FTCD: variants seen among roughly 807,000 people sequenced by gnomAD.
FTCD encodes the protein formimidoyltransferase cyclodeaminase, also known as formimidoyltransferase-cyclodeaminase.
FTCD carries 76 observed loss-of-function variants against 62.9 expected under a neutral mutation model. That is an observed-to-expected ratio of 1.21 (90% CI 1.00 to 1.46). FTCD has a LOEUF of 1.46. Ranked by LOEUF, FTCD falls within the 40% of genes most tolerant of loss-of-function variation. The pLI is 0.00. For synonymous variants in FTCD, 397 were observed against 336.9 expected (o/e 1.18, Z -1.95); for missense variants, 845 against 751.3 (o/e 1.12, Z -1.46).
intron 2 of FTCD, 28 bp downstream of exon 2, chr21:46,154,121 C>T: frequency 6.2e-7 from 1 of 1,608,796 alleles, no homozygotes; most frequent in Non-Finnish European, 8.5e-7. Context: ...TGAGACACGG[C>T]AGCCACAGGA....
chr21:46,145,587 G>A lies in FTCD; in HGVS notation c.1099-9C>T, dbSNP rs966795354. The A allele has an allele frequency of 9.8e-6, 15 of 1,529,846 alleles. No individual in the cohort carries two copies. Among genetic ancestry groups the A allele is most frequent in the African/African-American group, 1.4e-5 (1 of 72,452 alleles). The allele number at this position is 1,529,846 out of a possible 1,614,324, so 94.8% of individuals were successfully genotyped here. The stretch of plus-strand genomic sequence containing the variant: ...GAGCCCAGCGCCGCACCCTGCGAGA[G>A]GGGTGGATGTGGGGGTCGCAGGGAC... On this transcript the variant is annotated splice_polypyrimidine_tract_variant and intron_variant, in intron 9 of 13. Coordinates refer to ENST00000397746, the MANE Select transcript of FTCD (RefSeq NM_206965.2).
At chr21:46,144,384 C>CCCCTT in intron 10 of FTCD, among the ~76,000 whole-genome samples, 1 of 132,686 alleles carries the variant, frequency 7.5e-6, no homozygotes, top group Non-Finnish European at 1.6e-5. Flanking sequence ...CTCTCCCTCT[C>CCCCTT]TCTCCCTCCC....
At chr21:46,139,763 G>T (rs1040642665) in intron 10 of FTCD, among the ~76,000 whole-genome samples, 3 of 152,220 alleles carry the variant, frequency 2.0e-5, no homozygotes, top group Non-Finnish European at 2.9e-5. Flanking sequence ...ATCCAGACCA[G>T]GCCTCCTGGC....
At chr21:46,146,916 G>A (rs1359206641) in intron 7 of FTCD, 1 of 153,450 alleles carries the variant, frequency 6.5e-6, no homozygotes, top group Non-Finnish European at 1.5e-5. Flanking sequence ...AGCCGGGCGG[G>A]GTGGAGAGTG....
chr21:46,146,644 G>A (rs2079154451), intron 7 of FTCD: 1 of 505,786 alleles, frequency 2.0e-6, no homozygotes, highest in South Asian at 2.5e-5. Context: ...CTCATGCTTC[G>A]CCGCCCCCCA....
chr21:46,146,379 GA>G, intron 7 of FTCD, 52 bp from the exon 8 acceptor site: 4 of 1,258,816 alleles, frequency 3.2e-6, no homozygotes, highest in Non-Finnish European at 4.6e-6. Flanking sequence ...CCACCACCAG[GA>G]AAGCCTCGGA....
chr21:46,139,825 G>A (rs1469797050), intron 10 of FTCD, among the ~76,000 whole-genome samples: 1 of 152,156 alleles, frequency 6.6e-6, no homozygotes, highest in African/African-American at 2.4e-5. Flanking sequence ...AGCAGTTGCA[G>A]GCGGAGGCAG....
chr21:46,139,045 C>T, intron 10 of FTCD, 122 bp from the exon 11 acceptor site: 1 of 798,178 alleles, frequency 1.3e-6, no homozygotes, highest in Admixed American at 1.8e-5. Flanking sequence ...TCTCTGGGAA[C>T]CAAGCTTCTG....
rs529986250 is a variant in FTCD, at chr21:46,141,677, G to A, written c.1261-2754C>T. On this transcript the variant is annotated intron_variant, in intron 10 of 13. Transcript: ENST00000397746. ...CAAAGTCCAAAGACGAACAACAAAC[G>A]GGGAAAGCTGAGCCCAGAACAAGGC... Among the ~76,000 whole-genome samples, 5 of 151,762 alleles carry A rather than the reference G, an allele frequency of 3.3e-5. No homozygotes were observed. In the South Asian group the frequency reaches 8.3e-4, roughly 25 times the overall value.
At chr21:46,150,296 A>G in intron 6 of FTCD, 46 bp from the exon 7 acceptor site, 1 of 1,609,080 alleles carries the variant, frequency 6.2e-7, no homozygotes, top group Admixed American at 1.7e-5. Flanking sequence ...TGGCTGGAGA[A>G]TGGCCCTGGC....
At chr21:46,137,792 G>A (rs2078903707) in intron 12 of FTCD, among the ~76,000 whole-genome samples, 1 of 152,218 alleles carries the variant, frequency 6.6e-6, no homozygotes, top group African/African-American at 2.4e-5. Flanking sequence ...GCTGCAGAAA[G>A]TGCTGAGCCC....
At position 46,152,919 on chromosome 21, in the gene FTCD, G is replaced by A; in HGVS notation, c.355C>T (p.Leu119=). 2 of 1,569,504 alleles carry A rather than the reference G, an allele frequency of 1.3e-6. No individual in the cohort carries two copies. The highest frequency in any genetic ancestry group is 1.2e-5 in the South Asian group (1 of 85,640). Residue 119 remains leucine, a synonymous_variant, in exon 3 of 14, where the codon CTG becomes TTG. Coordinates refer to ENST00000397746, the MANE Select transcript of FTCD (RefSeq NM_206965.2). ...GGGGCACGCTCACCTGGCACGTCCA[G>A]CTCCTCTGCCAGCCTCTGGCCAAAG... ...QAFGQRLAEE[L]DVPVYLYGEA... is the part of the protein sequence containing the mutation.
At chr21:46,138,947 T>A (rs1036801544) in intron 10 of FTCD, 24 bp from the exon 11 acceptor site, 2 of 1,600,120 alleles carry the variant, frequency 1.2e-6, no homozygotes, top group Non-Finnish European at 1.7e-6. Flanking sequence ...ACAGAACCAC[T>A]GGGCGAGGGA....
At chr21:46,147,627 G>C (rs948321312) in intron 7 of FTCD, among the ~76,000 whole-genome samples, 4 of 152,100 alleles carry the variant, frequency 2.6e-5, no homozygotes, top group African/African-American at 9.7e-5. Flanking sequence ...CGCAGGCATG[G>C]GGCCCTTCAG....
intron 7 of FTCD, among the ~76,000 whole-genome samples, chr21:46,149,412 A>G (rs1321617346): frequency 1.3e-5 from 2 of 152,272 alleles, no homozygotes; most frequent in Non-Finnish European, 2.9e-5. Context: ...AGACTAAACA[A>G]GGACGGAATC....
chr21:46,149,893 G>T (rs1357577318), intron 7 of FTCD, among the ~76,000 whole-genome samples: 3 of 152,180 alleles, frequency 2.0e-5, no homozygotes, highest in South Asian at 2.1e-4. Context: ...AAAGGGTGGG[G>T]TGTCCTCTCC....
rs1443869075 is a variant in FTCD at position 46,136,943 on chromosome 21, G to A, written c.*44C>T. On this transcript the variant is annotated 3_prime_UTR_variant, in exon 14 of 14. Coordinates refer to ENST00000397746, the MANE Select transcript of FTCD (RefSeq NM_206965.2). ...GGTCACAGCTCTGCCCTCTGGGGAT[G>A]GGCGAGGGAGGGGCCACAGAGCCCG... The A allele has an allele frequency of 2.5e-6, 4 of 1,612,054 alleles. No individual in the cohort carries two copies. Among genetic ancestry groups the A allele is most frequent in the South Asian group, 2.2e-5 (2 of 90,924 alleles).
chr21:46,138,643 G>T lies in FTCD; in HGVS notation c.1308C>A (p.Arg436=). 6.3e-7 allele frequency: 1 copy of T among 1,595,454 alleles called. No individual in the cohort carries two copies. The highest frequency in any genetic ancestry group is 8.5e-7 in the Non-Finnish European group (1 of 1,177,812). The part of the protein sequence containing the change: ...PKNTPEEKDR[R]TAALQEGLRR... Reference sequence around the variant, plus strand: ...TCAGACCCTCCTGTAGGGCCGCCGTGCGCCTGAAAGGAGCAAGAGGAGAGC... The same window carrying T: ...TCAGACCCTCCTGTAGGGCCGCCGTTCGCCTGAAAGGAGCAAGAGGAGAGC... The change falls in exon 12 of 14, where the codon CGC becomes CGA. Residue 436 remains arginine (R), a synonymous_variant. Coordinates refer to ENST00000397746, the MANE Select transcript of FTCD (RefSeq NM_206965.2).
chr21:46,136,540 C>A (rs781279191), downstream of FTCD: 1 of 1,606,470 alleles, frequency 6.2e-7, no homozygotes, highest in Admixed American at 1.7e-5. Context: ...AGACAAGGGG[C>A]CTCACAGCCC....
Sources: allele counts gnomAD v4.1 joint callset (sites outside exome capture counted in the v4.1 genomes callset), GRCh38; gene constraint gnomAD v4.1.1; transcripts MANE v1.5; gene names NCBI Gene and HGNC (gene_info 2026-07-23, HGNC 2026-07-21).